Variants in GALNT17 observed in about 807,000 individuals in gnomAD.
GALNT17 encodes polypeptide N-acetylgalactosaminyltransferase 17, also known as UDP-GalNAc:polypeptide N-acetylgalactosaminyltransferase-like 3.
In GALNT17, 29 loss-of-function variants were observed where a neutral mutation model predicts 63.7. The ratio of observed to expected loss-of-function variants is 0.46; its 90% CI spans 0.34 to 0.62. GALNT17 has a LOEUF of 0.62. GALNT17 is among the 20% of genes least tolerant of loss of function. The probability of loss-of-function intolerance (pLI) is 0.01; values close to 1 mark genes in which losing one functional copy is unlikely to be tolerated. For synonymous variants in GALNT17, 305 were observed against 318.3 expected (o/e 0.96, Z 0.45); for missense variants, 603 against 799.6 (o/e 0.75, Z 2.97).
chr7:71,549,655 A>G (rs1327095669), intron 5 of GALNT17, among the ~76,000 whole-genome samples: 3 of 152,146 alleles, frequency 2.0e-5, no homozygotes, highest in African/African-American at 7.2e-5. Context: ...ATACCGAAAG[A>G]GTAATTGTTT....
At chr7:71,593,829 G>A (rs1789847965) in intron 6 of GALNT17, among the ~76,000 whole-genome samples, 1 of 152,158 alleles carries the variant, frequency 6.6e-6, no homozygotes, top group Non-Finnish European at 1.5e-5. Context: ...CTTTCTCCAT[G>A]TGACAGAAAT....
intron 5 of GALNT17, among the ~76,000 whole-genome samples, chr7:71,526,584 A>G (rs909622810): frequency 6.6e-6 from 1 of 152,056 alleles, no homozygotes; most frequent in Non-Finnish European, 1.5e-5. Context: ...CAGTGGCACG[A>G]TCTTGGCACA....
chr7:71,413,350 A>G (rs2116427234), intron 3 of GALNT17, among the ~76,000 whole-genome samples: 1 of 151,938 alleles, frequency 6.6e-6, no homozygotes, highest in Admixed American at 6.6e-5. Context: ...ATAATATTGA[A>G]TATTATAATT....
At chr7:71,190,355 C>T (rs1417113232) in intron 1 of GALNT17, among the ~76,000 whole-genome samples, 3 of 152,094 alleles carry the variant, frequency 2.0e-5, no homozygotes, top group Non-Finnish European at 4.4e-5. Flanking sequence ...TGAGTTCTTG[C>T]AAGATCTGGT....
intron 9 of GALNT17, among the ~76,000 whole-genome samples, chr7:71,691,984 T>C (rs1791451868): frequency 6.6e-6 from 1 of 152,038 alleles, no homozygotes; most frequent in Non-Finnish European, 1.5e-5. Flanking sequence ...TAATCAGAGC[T>C]CACTGTAGCC....
At chr7:71,526,744 G>T in intron 5 of GALNT17, among the ~76,000 whole-genome samples, 1 of 151,900 alleles carries the variant, frequency 6.6e-6, no homozygotes, top group Non-Finnish European at 1.5e-5. Flanking sequence ...AGTCTTGAAC[G>T]CCTGTGTGAT....
intron 1 of GALNT17, among the ~76,000 whole-genome samples, chr7:71,253,211 G>A (rs1430374661): frequency 6.6e-6 from 1 of 152,138 alleles, no homozygotes; most frequent in Non-Finnish European, 1.5e-5. Flanking sequence ...AACTTACAAA[G>A]AAAAAGAGGT....
chr7:71,137,785 T>C (rs1787815941), intron 1 of GALNT17, among the ~76,000 whole-genome samples: 1 of 152,162 alleles, frequency 6.6e-6, no homozygotes, highest in South Asian at 2.1e-4. Flanking sequence ...TTTCAGCGTG[T>C]TTTCGTTAAA....
At chr7:71,242,587 G>C (rs1226720360) in intron 1 of GALNT17, among the ~76,000 whole-genome samples, 3 of 152,006 alleles carry the variant, frequency 2.0e-5, no homozygotes, top group African/African-American at 7.2e-5. Context: ...ATTTCAACAT[G>C]GAGATTTGGA....
rs1789117655 is a variant in GALNT17, at chr7:71,553,733, GA to G, written c.963-17548del. On this transcript the variant is annotated intron_variant, in intron 5 of 10. Coordinates refer to ENST00000333538, the MANE Select transcript of GALNT17 (RefSeq NM_022479.3). ...CCAGCCCTCGTGTTCACTGATGATG[GA>G]AAAGAAAACTAATCTTTTTGTTTCA... Among the ~76,000 whole-genome samples, 3 of 152,306 alleles carry G rather than the reference GA, an allele frequency of 2.0e-5. No homozygotes were observed. In the South Asian group the frequency reaches 6.2e-4, roughly 32 times the overall value.
chr7:71,391,540 T>G (rs1204594233), intron 3 of GALNT17, among the ~76,000 whole-genome samples: 1 of 152,148 alleles, frequency 6.6e-6, no homozygotes, highest in African/African-American at 2.4e-5. Context: ...TGGAGTGCGG[T>G]GGTGCGATCA....
chr7:71,658,878 ACT>A (rs1790866884), intron 6 of GALNT17, among the ~76,000 whole-genome samples: 1 of 145,350 alleles, frequency 6.9e-6, no homozygotes, highest in African/African-American at 2.5e-5. Context: ...ACAGAGCAAG[ACT>A]CTGTCTCAAA....
intron 5 of GALNT17, among the ~76,000 whole-genome samples, chr7:71,499,103 A>AT (rs34491130): frequency 1.9e-4 from 29 of 150,082 alleles, no homozygotes; most frequent in Middle Eastern, 3.4e-3. Context: ...ACAGCGAAGC[A>AT]TTTTTTTTTT....
At chr7:71,461,866 C>G (rs781593700) in intron 5 of GALNT17, among the ~76,000 whole-genome samples, 2 of 152,168 alleles carry the variant, frequency 1.3e-5, no homozygotes, top group Admixed American at 6.6e-5. Context: ...GTCCGAGTTA[C>G]TTATGTAATT....
intron 6 of GALNT17, among the ~76,000 whole-genome samples, chr7:71,586,493 A>G (rs1410416304): frequency 6.6e-6 from 1 of 152,188 alleles, no homozygotes; most frequent in African/African-American, 2.4e-5. Context: ...AAAGTCTTTT[A>G]TGAACATTTG....
chr7:71,672,018 ACT>A (rs1307206304), intron 8 of GALNT17, among the ~76,000 whole-genome samples: 96 of 93,030 alleles, frequency 1.0e-3, no homozygotes, highest in African/African-American at 3.6e-3. Flanking sequence ...ATAGAGTGAG[ACT>A]CTGTCTCAAA....
intron 5 of GALNT17, among the ~76,000 whole-genome samples, chr7:71,527,998 G>A (rs192525816): frequency 2.8e-4 from 43 of 152,214 alleles, no homozygotes; most frequent in Admixed American, 2.7e-3. Context: ...CAAGGCTGTC[G>A]TGTCAACCCA....
intron 6 of GALNT17, among the ~76,000 whole-genome samples, chr7:71,598,816 C>CA (rs1350899069): frequency 5.5e-4 from 28 of 50,674 alleles, no homozygotes; most frequent in Non-Finnish European, 1.2e-3. Context: ...AGTAGCAAAT[C>CA]GGGTAAATGA....
intron 1 of GALNT17, among the ~76,000 whole-genome samples, chr7:71,178,395 T>C (rs1788676207): frequency 6.6e-6 from 1 of 152,098 alleles, no homozygotes; most frequent in African/African-American, 2.4e-5. Context: ...TATCCCTGCT[T>C]GGGTTTTGGT....
Sources: allele counts gnomAD v4.1 joint callset (sites outside exome capture counted in the v4.1 genomes callset), GRCh38; gene constraint gnomAD v4.1.1; transcripts MANE v1.5; gene names NCBI Gene and HGNC (gene_info 2026-07-23, HGNC 2026-07-21).